CDH3: variants seen among roughly 807,000 people sequenced by gnomAD.
CDH3 encodes the protein cadherin 3, also known as cadherin-3.
Under a neutral mutation model 82.0 loss-of-function variants are expected in CDH3, and 54 were observed. The observed-to-expected ratio is 0.66, with a 90% CI of 0.53 to 0.83. The LOEUF (loss-of-function observed/expected upper bound fraction) is 0.83. Ranked by LOEUF, CDH3 falls within the 40% of genes least tolerant of loss-of-function variation. CDH3 has a pLI of 0.00. For synonymous variants in CDH3, 446 were observed against 437.9 expected, an observed-to-expected ratio of 1.02 and a Z score of -0.23; for missense variants, 1,054 against 1,084.6, an observed-to-expected ratio of 0.97 and a Z score of 0.40.
chr16:68,668,073 A>C (rs551291123), intron 2 of CDH3, among the ~76,000 whole-genome samples: 1 of 152,202 alleles, frequency 6.6e-6, no homozygotes, highest in African/African-American at 2.4e-5. Flanking sequence ...GCACCTCTTC[A>C]TCAGGTTCAT....
chr16:68,679,729 A>C (rs1416646170), intron 6 of CDH3, 70 bp from the exon 7 acceptor site: 1 of 995,888 alleles, frequency 1.0e-6, no homozygotes, highest in Non-Finnish European at 1.5e-6. Flanking sequence ...GAAAAGAAAA[A>C]AAGAGTTCCA....
chr16:68,710,162 C>T (rs1962009614), intron 1 of CDH3, among the ~76,000 whole-genome samples: 2 of 152,244 alleles, frequency 1.3e-5, no homozygotes, highest in South Asian at 2.1e-4. Context: ...CCCTCCCTGC[C>T]GGGCTGGGTT....
chr16:68,683,049 A>G (rs1961275107), intron 9 of CDH3, among the ~76,000 whole-genome samples: 1 of 152,038 alleles, frequency 6.6e-6, no homozygotes, highest in Non-Finnish European at 1.5e-5. Flanking sequence ...GGAGTTTCAG[A>G]TGAGCCTGGT....
chr16:68,696,352 A>G (rs1382930738), intron 15 of CDH3: 4 of 320,064 alleles, frequency 1.2e-5, no homozygotes, highest in South Asian at 2.8e-5. Flanking sequence ...AAGGAGGCAG[A>G]GGTTGCAGTG....
chr16:68,681,197 T>C lies in CDH3; in HGVS notation c.996+101T>C, dbSNP rs1961219453. ...CAGTCTATATTGCTTCAAATGCCAGTCTCAGCACTATGGCTGTGTGACCTT... is the reference window on the plus strand; with the variant it reads ...CAGTCTATATTGCTTCAAATGCCAGCCTCAGCACTATGGCTGTGTGACCTT... On this transcript the variant is annotated intron_variant, in intron 8 of 15. Transcript: ENST00000264012. The C allele has an allele frequency of 5.4e-6, 7 of 1,295,752 alleles. No individual in the cohort carries two copies. In the Admixed American group the frequency reaches 1.0e-4, roughly 19 times the overall value. 80.3% of individuals were successfully genotyped at this position (1,295,752 alleles called of 1,614,324 possible).
At chr16:68,704,753 TTTTA>T (rs1266236999), downstream of CDH3, among the ~76,000 whole-genome samples, 2 of 152,164 alleles carry the variant, frequency 1.3e-5, no homozygotes, top group African/African-American at 4.8e-5. Context: ...GATGGTTCCC[TTTTA>T]TTTAAAGGAA....
intron 12 of CDH3, among the ~76,000 whole-genome samples, chr16:68,691,101 G>A (rs574351782): frequency 6.7e-6 from 1 of 150,298 alleles, no homozygotes; most frequent in Admixed American, 6.7e-5. Flanking sequence ...CACCTCCCAG[G>A]TTCAAGTGAT....
chr16:68,727,167 C>A (rs1962228437), exon 3 of CDH3, among the ~76,000 whole-genome samples: 1 of 152,172 alleles, frequency 6.6e-6, no homozygotes, highest in South Asian at 2.1e-4. Context: ...GGGACACCTG[C>A]CTTCTGCCCT....
intron 3 of CDH3, among the ~76,000 whole-genome samples, chr16:68,677,535 C>T (rs987690455): frequency 3.3e-5 from 5 of 152,108 alleles, no homozygotes; most frequent in South Asian, 4.1e-4. Context: ...GTCAGGAGTT[C>T]GAGACCAGCC....
intron 2 of CDH3, among the ~76,000 whole-genome samples, chr16:68,649,406 G>C (rs1271926554): frequency 1.3e-5 from 2 of 152,076 alleles, no homozygotes; most frequent in Non-Finnish European, 2.9e-5. Flanking sequence ...CCTACTCTGG[G>C]GTATGCCCTT....
At chr16:68,700,913 C>T (rs1961884582), downstream of CDH3, among the ~76,000 whole-genome samples, 2 of 152,088 alleles carry the variant, frequency 1.3e-5, no homozygotes, top group South Asian at 4.1e-4. Flanking sequence ...CCATGGCACC[C>T]TCAGGACAAA....
At chr16:68,680,024 G>T in intron 7 of CDH3, 50 bp downstream of exon 7, 1 of 1,564,146 alleles carries the variant, frequency 6.4e-7, no homozygotes, top group East Asian at 2.2e-5. Flanking sequence ...GCCCAGGCTG[G>T]GAACTGACTC....
chr16:68,647,743 T>C (rs1192636458), intron 2 of CDH3, among the ~76,000 whole-genome samples: 1 of 152,166 alleles, frequency 6.6e-6, no homozygotes, highest in Non-Finnish European at 1.5e-5. Flanking sequence ...TTTCTCCCTT[T>C]GGTCTTCAGC....
intron 1 of CDH3, among the ~76,000 whole-genome samples, chr16:68,706,544 C>CTTTT (rs34364461): frequency 1.6e-4 from 13 of 81,670 alleles, no homozygotes; most frequent in African/African-American, 2.1e-4. Flanking sequence ...GTCACATTTC[C>CTTTT]TTTTTTTTTT....
At chr16:68,679,529 C>G (rs1322953746) in intron 6 of CDH3, among the ~76,000 whole-genome samples, 1 of 151,798 alleles carries the variant, frequency 6.6e-6, no homozygotes, top group Non-Finnish European at 1.5e-5. Flanking sequence ...CCTATCTCTA[C>G]TAAAAATATT....
At chr16:68,717,769 C>A (rs1962111909) in intron 1 of CDH3, among the ~76,000 whole-genome samples, 1 of 141,930 alleles carries the variant, frequency 7.0e-6, no homozygotes, top group South Asian at 2.3e-4. Context: ...GCGAGACATC[C>A]TCTAAAGAAA....
In CDH3 at chr16:68,710,849, G is replaced by A. The variant is rs1255164290; in HGVS notation, c.100-11576G>A. Among the ~76,000 whole-genome samples the A allele has an allele frequency of 3.5e-5, 5 of 144,762 alleles. No homozygotes were observed. In the South Asian group the frequency reaches 1.1e-3, roughly 32 times the overall value. 95.0% of individuals were successfully genotyped at this position (144,762 alleles called of 152,430 possible). ...GACAGAGCGAGATTCTGTCTCAGAA[G>A]AAAAAAGGAGAGAAAGAGAAAAAGG... On this transcript the variant is annotated intron_variant, in intron 1 of 2. Transcript: ENST00000569080.
chr16:68,725,860 C>T (rs545553421), intron 2 of CDH3, among the ~76,000 whole-genome samples: 22 of 151,530 alleles, frequency 1.5e-4, no homozygotes, highest in African/African-American at 5.3e-4. Context: ...TGGAGACCAG[C>T]CAGGGAAACA....
intron 2 of CDH3, among the ~76,000 whole-genome samples, chr16:68,675,663 G>A (rs867929365): frequency 2.0e-5 from 3 of 151,934 alleles, no homozygotes; most frequent in East Asian, 1.9e-4. Flanking sequence ...GCATGGTGGC[G>A]CACGCCTGTA....
Sources: allele counts gnomAD v4.1 joint callset (sites outside exome capture counted in the v4.1 genomes callset), GRCh38; gene constraint gnomAD v4.1.1; transcripts MANE v1.5; gene names NCBI Gene and HGNC (gene_info 2026-07-23, HGNC 2026-07-21).